ZBTB7C: variants seen among roughly 807,000 people sequenced by gnomAD.
ZBTB7C encodes the protein zinc finger and BTB domain containing 7C.
Under a neutral mutation model 25.7 loss-of-function variants are expected in ZBTB7C, and 8 were observed. That is an observed-to-expected ratio of 0.31 (90% CI 0.18 to 0.56). ZBTB7C has a LOEUF of 0.56. ZBTB7C is among the 20% of genes least tolerant of loss of function. The pLI is 0.91. For synonymous variants in ZBTB7C, 394 were observed against 369.0 expected (o/e 1.07, Z -0.78); for missense variants, 824 against 855.2 (o/e 0.96, Z 0.46).
At chr18:48,132,684 A>G (rs2040023344) in intron 3 of ZBTB7C, among the ~76,000 whole-genome samples, 1 of 152,252 alleles carries the variant, frequency 6.6e-6, no homozygotes, top group African/African-American at 2.4e-5. Flanking sequence ...AGCCTCTGCT[A>G]GATTTCCCTA....
intron 3 of ZBTB7C, among the ~76,000 whole-genome samples, chr18:48,051,034 C>T (rs1344592131): frequency 2.1e-5 from 2 of 94,802 alleles, no homozygotes; most frequent in East Asian, 6.0e-4. Flanking sequence ...CCCAAACCTC[C>T]TGCTGGTCAC....
chr18:48,096,735 T>C (rs759803160), intron 3 of ZBTB7C, among the ~76,000 whole-genome samples: 18 of 152,196 alleles, frequency 1.2e-4, no homozygotes, highest in South Asian at 6.2e-4. Flanking sequence ...TGTCCCATCT[T>C]GTGTGGAATC....
intron 3 of ZBTB7C, among the ~76,000 whole-genome samples, chr18:48,115,358 C>T (rs1451311714): frequency 6.6e-6 from 1 of 152,186 alleles, no homozygotes; most frequent in African/African-American, 2.4e-5. Flanking sequence ...ATGCCATTCT[C>T]CTGCCTCAGC....
chr18:48,055,922 G>A (rs1358850546), intron 3 of ZBTB7C, among the ~76,000 whole-genome samples: 2 of 152,206 alleles, frequency 1.3e-5, no homozygotes, highest in Non-Finnish European at 2.9e-5. Flanking sequence ...ATCCGCTGCT[G>A]AGCTAGGACG....
chr18:48,309,554 G>A (rs1291237768), intron 2 of ZBTB7C, among the ~76,000 whole-genome samples: 1 of 152,194 alleles, frequency 6.6e-6, no homozygotes, highest in Admixed American at 6.5e-5. Context: ...TCATTCGTGA[G>A]GGAATTTCAC....
At chr18:48,042,436 A>T (rs2036290033) in intron 3 of ZBTB7C, among the ~76,000 whole-genome samples, 1 of 152,244 alleles carries the variant, frequency 6.6e-6, no homozygotes, top group Non-Finnish European at 1.5e-5. Flanking sequence ...AGTGGGGAGA[A>T]AACAAAAAGG....
At chr18:48,406,598 T>C (rs927989731) in intron 1 of ZBTB7C, among the ~76,000 whole-genome samples, 1 of 152,328 alleles carries the variant, frequency 6.6e-6, no homozygotes, top group African/African-American at 2.4e-5. Context: ...TGACTTCTTC[T>C]GTAGGACCCC....
chr18:48,338,507 G>A (rs975380439), intron 1 of ZBTB7C, 109 bp from the exon 2 acceptor site: 2 of 152,066 alleles, frequency 1.3e-5, no homozygotes, highest in African/African-American at 4.8e-5. Context: ...TTTATTATTA[G>A]GGCCTGCAAT....
At chr18:48,196,365 C>G (rs530497680) in intron 2 of ZBTB7C, among the ~76,000 whole-genome samples, 4 of 152,200 alleles carry the variant, frequency 2.6e-5, no homozygotes, top group Admixed American at 2.6e-4. Flanking sequence ...GGCAAACTAA[C>G]TTTACAGCTT....
At chr18:48,094,858 A>G (rs1475789068) in intron 3 of ZBTB7C, among the ~76,000 whole-genome samples, 2 of 152,164 alleles carry the variant, frequency 1.3e-5, no homozygotes, top group East Asian at 3.9e-4. Flanking sequence ...GGGAGCATGG[A>G]GCTGAATGGT....
chr18:48,051,633 C>T (rs1341373007), intron 3 of ZBTB7C, among the ~76,000 whole-genome samples: 3 of 151,940 alleles, frequency 2.0e-5, no homozygotes, highest in African/African-American at 7.2e-5. Context: ...CGCATCTTCC[C>T]TGAGGCCATT....
intron 4 of ZBTB7C, among the ~76,000 whole-genome samples, chr18:48,036,321 T>C (rs997972081): frequency 2.0e-5 from 3 of 152,202 alleles, no homozygotes; most frequent in Admixed American, 1.3e-4. Context: ...AGGATTCCCA[T>C]GTCCTCCCCC....
intron 3 of ZBTB7C, chr18:48,148,588 G>T (rs535617391): frequency 6.6e-6 from 1 of 152,250 alleles, no homozygotes; most frequent in East Asian, 1.9e-4. Flanking sequence ...AGTAAAGAAG[G>T]TCACTTCCTG....
At chr18:48,243,128 G>A (rs534558450) in intron 2 of ZBTB7C, among the ~76,000 whole-genome samples, 77 of 152,106 alleles carry the variant, frequency 5.1e-4, no homozygotes, top group African/African-American at 1.8e-3. Context: ...GCTGGGCATG[G>A]TCGTACACGC....
chr18:48,119,884 C>T (rs1432625733), intron 3 of ZBTB7C, among the ~76,000 whole-genome samples: 5 of 152,092 alleles, frequency 3.3e-5, no homozygotes, highest in Non-Finnish European at 7.4e-5. Context: ...ACTTCAATAG[C>T]GGGGGTTGAG....
chr18:48,373,306 G>A (rs1266168109), intron 1 of ZBTB7C, among the ~76,000 whole-genome samples: 2 of 151,870 alleles, frequency 1.3e-5, no homozygotes, highest in Non-Finnish European at 2.9e-5. Context: ...GCTCCTGCTT[G>A]TGCCTACTCC....
chr18:48,029,934 C>A, intron 4 of ZBTB7C, 23 bp from the exon 5 acceptor site: 2 of 1,608,640 alleles, frequency 1.2e-6, no homozygotes, highest in Non-Finnish European at 8.5e-7. Flanking sequence ...GACTGGGGGT[C>A]AGTCCCGCAG....
At position 48,048,401 on chromosome 18, in the gene ZBTB7C, C is replaced by A. The variant is rs577569112; in HGVS notation, c.-16-7278G>T. On this transcript the variant is annotated intron_variant, in intron 3 of 4. Transcript: ENST00000590800. ...CCCCAAGTGGGATCAAACAAATTGT[C>A]CTCAGCTGGTGCTGACACTGTGCCT... Among the ~76,000 whole-genome samples the A allele has an allele frequency of 1.1e-4, 16 of 152,308 alleles. No individual in the cohort carries two copies. In the South Asian group the frequency reaches 3.3e-3, roughly 32 times the overall value.
chr18:48,049,055 A>C (rs2036583789), intron 3 of ZBTB7C, among the ~76,000 whole-genome samples: 1 of 152,106 alleles, frequency 6.6e-6, no homozygotes, highest in Non-Finnish European at 1.5e-5. Context: ...AGCTTGTGGG[A>C]GTTATTTATA....
Sources: allele counts gnomAD v4.1 joint callset (sites outside exome capture counted in the v4.1 genomes callset), GRCh38; gene constraint gnomAD v4.1.1; transcripts MANE v1.5; gene names NCBI Gene and HGNC (gene_info 2026-07-23, HGNC 2026-07-21).